PTPRK: variants seen among roughly 807,000 people sequenced by gnomAD.
PTPRK encodes the protein receptor-type tyrosine-protein phosphatase kappa.
In PTPRK, 75 loss-of-function variants were observed where a neutral mutation model predicts 178.0. That is an observed-to-expected ratio of 0.42 (90% CI 0.35 to 0.51). PTPRK has a LOEUF of 0.51. Ranked by LOEUF, PTPRK falls within the 20% of genes least tolerant of loss-of-function variation. The probability of loss-of-function intolerance (pLI) is 0.02; values close to 1 mark genes in which losing one functional copy is unlikely to be tolerated. For synonymous variants in PTPRK, 637 were observed against 620.6 expected, an observed-to-expected ratio of 1.03 and a Z score of -0.39; for missense variants, 1,441 against 1,797.8, an observed-to-expected ratio of 0.80 and a Z score of 3.59.
At chr6:128,220,665 AC>A (rs1810236673) in intron 5 of PTPRK, among the ~76,000 whole-genome samples, 1 of 152,230 alleles carries the variant, frequency 6.6e-6, no homozygotes, top group African/African-American at 2.4e-5. Context: ...CATTTGAACC[AC>A]CAGTGTATGT....
intron 1 of PTPRK, among the ~76,000 whole-genome samples, chr6:128,477,353 A>G (rs2128421678): frequency 6.6e-6 from 1 of 152,002 alleles, no homozygotes; most frequent in Non-Finnish European, 1.5e-5. Context: ...TAACTAGCAG[A>G]TGTATTATAG....
intron 7 of PTPRK, among the ~76,000 whole-genome samples, chr6:128,181,923 A>C (rs1005522747): frequency 5.3e-5 from 8 of 152,046 alleles, no homozygotes; most frequent in African/African-American, 1.9e-4. Flanking sequence ...GCTTCTCTTT[A>C]TTTTCTAATA....
At chr6:128,047,394 T>C (rs1778235851) in intron 13 of PTPRK, among the ~76,000 whole-genome samples, 1 of 152,134 alleles carries the variant, frequency 6.6e-6, no homozygotes, top group South Asian at 2.1e-4. Context: ...ACTATATGAA[T>C]CTTTAGTAAT....
chr6:128,451,602 T>TA (rs550595039), intron 1 of PTPRK, among the ~76,000 whole-genome samples: 2,358 of 150,958 alleles, frequency 0.016, 55 homozygotes, highest in African/African-American at 0.053. Context: ...CAAAATATGT[T>TA]AAAAAAAAAG....
At chr6:128,062,032 T>C (rs1229777220) in intron 13 of PTPRK, 3 of 152,184 alleles carry the variant, frequency 2.0e-5, no homozygotes, top group Admixed American at 1.3e-4. Context: ...CATATGATTA[T>C]GCCATTTTGA....
At chr6:128,484,363 A>G (rs944659560) in intron 1 of PTPRK, among the ~76,000 whole-genome samples, 1 of 152,166 alleles carries the variant, frequency 6.6e-6, no homozygotes, top group African/African-American at 2.4e-5. Context: ...CAACAGTAAA[A>G]TTATAACTAT....
At chr6:128,372,501 C>T (rs1836430697) in intron 2 of PTPRK, among the ~76,000 whole-genome samples, 1 of 152,162 alleles carries the variant, frequency 6.6e-6, no homozygotes, top group Non-Finnish European at 1.5e-5. Context: ...GACAGAGGTA[C>T]ATTAGGCACA....
intron 1 of PTPRK, among the ~76,000 whole-genome samples, chr6:128,473,202 C>T (rs1207972420): frequency 6.6e-6 from 1 of 151,782 alleles, no homozygotes; most frequent in Non-Finnish European, 1.5e-5. Flanking sequence ...GAATATAGGC[C>T]AGGTATTTTT....
intron 21 of PTPRK, among the ~76,000 whole-genome samples, chr6:127,989,332 T>C (rs1776330866): frequency 6.6e-6 from 1 of 152,070 alleles, no homozygotes; most frequent in African/African-American, 2.4e-5. Context: ...GAAATTTTCA[T>C]ACATATTTTA....
At chr6:128,218,523 T>C (rs1809770515) in intron 6 of PTPRK, among the ~76,000 whole-genome samples, 1 of 152,174 alleles carries the variant, frequency 6.6e-6, no homozygotes, top group African/African-American at 2.4e-5. Context: ...TAGGACTATA[T>C]GGAAATAGAA....
In PTPRK at chr6:128,155,743, G is replaced by C. The variant is rs75910589; in HGVS notation, c.1162+28689C>G. ...GACTGGCTAGTGGTAGTGATTTCAA[G>C]CTGGCTCCTCAATTCTTGTGACAGA... On this transcript the variant is annotated intron_variant, in intron 7 of 29. Coordinates refer to ENST00000368226, the MANE Select transcript of PTPRK (RefSeq NM_002844.4). Among the ~76,000 whole-genome samples the C allele has an allele frequency of 8.6e-5, 13 of 151,766 alleles. No homozygotes were observed. In the East Asian group the frequency reaches 2.5e-3, roughly 30 times the overall value.
At chr6:128,058,643 G>A (rs1025453086) in intron 13 of PTPRK, among the ~76,000 whole-genome samples, 6 of 151,918 alleles carry the variant, frequency 3.9e-5, no homozygotes, top group African/African-American at 1.5e-4. Flanking sequence ...GTCTTAAGTA[G>A]AATTTATCAT....
At chr6:128,209,432 CCTTTA>C (rs1472153393) in intron 6 of PTPRK, among the ~76,000 whole-genome samples, 2 of 152,040 alleles carry the variant, frequency 1.3e-5, no homozygotes, top group Non-Finnish European at 2.9e-5. Flanking sequence ...CCCAGAATGC[CCTTTA>C]CTTATCTTCC....
At chr6:128,068,486 C>T (rs1228720315) in intron 11 of PTPRK, among the ~76,000 whole-genome samples, 1 of 152,136 alleles carries the variant, frequency 6.6e-6, no homozygotes, top group East Asian at 1.9e-4. Context: ...CCTATTAAAG[C>T]TCTAACCTAA....
At chr6:128,315,953 CTG>C (rs1339260974) in intron 3 of PTPRK, among the ~76,000 whole-genome samples, 1 of 152,128 alleles carries the variant, frequency 6.6e-6, no homozygotes, top group Non-Finnish European at 1.5e-5. Flanking sequence ...TGTTCAAAAA[CTG>C]GAAAGCCCTA....
chr6:128,060,733 G>A (rs923201093), intron 13 of PTPRK, among the ~76,000 whole-genome samples: 4 of 151,960 alleles, frequency 2.6e-5, no homozygotes, highest in African/African-American at 9.7e-5. Flanking sequence ...ATTCACATTA[G>A]TTTATAGATT....
chr6:128,033,060 C>T (rs1474834987), intron 13 of PTPRK, among the ~76,000 whole-genome samples: 2 of 152,152 alleles, frequency 1.3e-5, no homozygotes, highest in East Asian at 3.9e-4. Context: ...GAAGATACTA[C>T]AGGGCTCTTT....
At chr6:128,291,776 C>CA (rs1161280448) in intron 3 of PTPRK, among the ~76,000 whole-genome samples, 5 of 152,120 alleles carry the variant, frequency 3.3e-5, no homozygotes, top group African/African-American at 1.2e-4. Flanking sequence ...TGTTTTAACA[C>CA]AATACATTCT....
At chr6:128,448,876 T>C (rs1847381563) in intron 1 of PTPRK, among the ~76,000 whole-genome samples, 1 of 152,216 alleles carries the variant, frequency 6.6e-6, no homozygotes, top group Admixed American at 6.5e-5. Flanking sequence ...TTTTGTTTTT[T>C]TGAGAAAGAG....
Sources: allele counts gnomAD v4.1 joint callset (sites outside exome capture counted in the v4.1 genomes callset), GRCh38; gene constraint gnomAD v4.1.1; transcripts MANE v1.5; gene names NCBI Gene and HGNC (gene_info 2026-07-23, HGNC 2026-07-21).